The following IQCH variants were observed in gnomAD, a reference collection of about 807,000 sequenced individuals.
IQCH encodes IQ motif containing H, also known as IQ domain-containing protein H.
In IQCH, 98 loss-of-function variants were observed where a neutral mutation model predicts 117.0. The ratio of observed to expected loss-of-function variants is 0.84; its 90% CI spans 0.71 to 0.99. The LOEUF (loss-of-function observed/expected upper bound fraction) is 0.99, where lower values mean the gene tolerates loss of function less well. Among genes scored for constraint, IQCH ranks in the 50% least tolerant of loss-of-function variants. The pLI is 0.00. For missense variants in IQCH, 1,102 were observed against 1,243.8 expected (o/e 0.89, Z 1.72); for synonymous variants, 412 against 448.2 (o/e 0.92, Z 1.02).
chr15:67,351,208 T>G (rs1969645754), intron 6 of IQCH, among the ~76,000 whole-genome samples: 1 of 152,182 alleles, frequency 6.6e-6, no homozygotes, highest in African/African-American at 2.4e-5. Context: ...TCTGCACGCA[T>G]TAGGTATTTG....
intron 16 of IQCH, among the ~76,000 whole-genome samples, chr15:67,434,729 G>A (rs1230532783): frequency 2.0e-5 from 3 of 151,478 alleles, no homozygotes; most frequent in Non-Finnish European, 4.4e-5. Flanking sequence ...AGTGTATAAG[G>A]GTTCCCTTTC....
At chr15:67,421,729 C>A in intron 16 of IQCH, 152 bp downstream of exon 16, 1 of 769,774 alleles carries the variant, frequency 1.3e-6, no homozygotes, top group Non-Finnish European at 2.1e-6. Context: ...ATGGCCCATG[C>A]GAATCCAAGT....
At chr15:67,483,454 T>C (rs1213801228) in intron 18 of IQCH, among the ~76,000 whole-genome samples, 1 of 152,154 alleles carries the variant, frequency 6.6e-6, no homozygotes, top group Admixed American at 6.5e-5. Flanking sequence ...AAGTTGGAGG[T>C]TGCAGTGAGC....
At position 67,402,966 on chromosome 15, in the gene IQCH, G is replaced by C. The variant is rs1342019415; in HGVS notation, c.2097+2661G>C. On this transcript the variant is annotated intron_variant, in intron 14 of 20. Transcript: ENST00000335894. ...AAGTATCTAATATAAAGATCATCTG[G>C]GCCGGGCATGGTGGCTCATGCCTGT... Among the ~76,000 whole-genome samples the C allele has an allele frequency of 3.9e-5, 6 of 152,258 alleles. No homozygotes were observed. In the South Asian group the frequency reaches 6.2e-4, roughly 16 times the overall value.
At position 67,473,113 on chromosome 15, in the gene IQCH, C is replaced by A. The variant is rs574576825; in HGVS notation, c.2677-2583C>A. Among the ~76,000 whole-genome samples the A allele has an allele frequency of 6.6e-6, 1 of 152,268 alleles. No individual in the cohort carries two copies. Among genetic ancestry groups the A allele is most frequent in the Admixed American group, 6.5e-5 (1 of 15,304 alleles). On this transcript the variant is annotated intron_variant, in intron 17 of 20. Coordinates refer to ENST00000335894, the MANE Select transcript of IQCH (RefSeq NM_001031715.3). The surrounding 1 kb of genome is among the most constrained non-coding windows in gnomAD (Gnocchi z 4.9). ...GTTTATATACTATGGCAGCATCAGA[C>A]AAGTTTAGAAGACAAAAATAACCTT...
intron 18 of IQCH, among the ~76,000 whole-genome samples, chr15:67,483,785 C>T (rs2083400890): frequency 6.6e-6 from 1 of 152,088 alleles, no homozygotes; most frequent in South Asian, 2.1e-4. Flanking sequence ...GGGAAGTGAG[C>T]CCCAAAAATT....
intron 14 of IQCH, among the ~76,000 whole-genome samples, chr15:67,415,410 T>C (rs778850933): frequency 2.0e-5 from 3 of 152,194 alleles, no homozygotes; most frequent in Non-Finnish European, 4.4e-5. Context: ...CACTCTCCGC[T>C]TCTCAGGGCA....
In IQCH at chr15:67,413,055, TTGTC is replaced by T. The variant is rs892805220; in HGVS notation, c.2098-3872_2098-3869del. 2.3e-4 allele frequency among the ~76,000 whole-genome samples: 35 copies of T among 150,174 alleles called. No individual in the cohort carries two copies. Among genetic ancestry groups the T allele is most frequent in the Middle Eastern group, 6.8e-3 (2 of 292 alleles). ...TAATGATTCACATGAATTGGAGTGT[TTGTC>T]TGTTATGGAAGGTGTGTGTGTGTGT... On this transcript the variant is annotated intron_variant, in intron 14 of 20. Transcript: ENST00000335894. This position sits in a 1 kb window ranked among gnomAD's most constrained non-coding sequence, Gnocchi z 5.0.
At position 67,459,724 on chromosome 15, in the gene IQCH, A is replaced by G. The variant is rs977312352; in HGVS notation, c.2506-5403A>G. On this transcript the variant is annotated intron_variant, in intron 16 of 20. Transcript: ENST00000335894. This position sits in a 1 kb window ranked among gnomAD's most constrained non-coding sequence, Gnocchi z 4.2. ...AGGCCTCCAGATGCAGCTGTGGTTC[A>G]CACGGCATCCAGCACAGTAGCAGTC... 1.3e-5 allele frequency: 2 copies of G among 152,318 alleles called. No homozygotes were observed. The highest frequency in any genetic ancestry group is 2.9e-5 in the Non-Finnish European group (2 of 68,148). The allele number at this position is 152,318 out of a possible 1,614,324, so 9.4% of individuals were successfully genotyped here. A position where few individuals can be genotyped will look rare whatever the true frequency, so the allele number is the denominator to read the frequency against.
chr15:67,287,113 G>A (rs1310202721), intron 4 of IQCH, among the ~76,000 whole-genome samples: 1 of 152,002 alleles, frequency 6.6e-6, no homozygotes, highest in African/African-American at 2.4e-5. Context: ...TCCATTTCTG[G>A]GATAAATCCC....
chr15:67,306,987 A>G (rs1967329825), intron 4 of IQCH: 2 of 1,376,044 alleles, frequency 1.5e-6, no homozygotes, highest in Non-Finnish European at 1.9e-6. Flanking sequence ...TGTTTCTTAA[A>G]AGGCTTGAAA....
chr15:67,357,097 T>TAAAA (rs1567123019), intron 6 of IQCH, among the ~76,000 whole-genome samples: 2 of 152,352 alleles, frequency 1.3e-5, no homozygotes, highest in Non-Finnish European at 2.9e-5. Context: ...TTTGCCTTTT[T>TAAAA]ATCTAGGCAG....
In IQCH at chr15:67,276,115, A is replaced by G. The variant is rs1163721118; in HGVS notation, c.270-3280A>G. Among the ~76,000 whole-genome samples the G allele has an allele frequency of 3.3e-5, 5 of 152,318 alleles. No individual in the cohort carries two copies. In the East Asian group the frequency reaches 5.8e-4, roughly 18 times the overall value. On this transcript the variant is annotated intron_variant, in intron 3 of 20. Transcript: ENST00000335894. ...CTGATATTGAAGAAATTTTACTGAC[A>G]TGGAAAATTTCTCAAGCATATGCTG... is the stretch of plus-strand genomic sequence containing the variant.
At chr15:67,378,060 G>A (rs558263703) in intron 10 of IQCH, among the ~76,000 whole-genome samples, 1 of 152,174 alleles carries the variant, frequency 6.6e-6, no homozygotes, top group Admixed American at 6.5e-5. Context: ...GTGTGCAACC[G>A]ATCATATGCT....
chr15:67,367,018 G>A (rs896542313), intron 8 of IQCH, among the ~76,000 whole-genome samples: 3 of 152,024 alleles, frequency 2.0e-5, no homozygotes, highest in African/African-American at 7.3e-5. Flanking sequence ...CCCCTGCAGG[G>A]GTGACACATT....
intron 16 of IQCH, among the ~76,000 whole-genome samples, chr15:67,462,329 T>C (rs2082818907): frequency 4.0e-5 from 6 of 150,992 alleles, no homozygotes; most frequent in Admixed American, 3.3e-4. Flanking sequence ...CTCCGGAGGC[T>C]GAGGCAGAGA....
In IQCH at chr15:67,432,321, A is replaced by G. The variant is rs2140944306; in HGVS notation, c.2505+10744A>G. On this transcript the variant is annotated intron_variant, in intron 16 of 20. Transcript: ENST00000335894. The surrounding 1 kb of genome is among the most constrained non-coding windows in gnomAD (Gnocchi z 5.0). The stretch of plus-strand genomic sequence containing the variant: ...TGATATATACCGCAGTATATCCCAT[A>G]AAGTCTGAAAACGATTTTTAAGAGT... 6.6e-6 allele frequency among the ~76,000 whole-genome samples: 1 copy of G among 152,326 alleles called. No homozygotes were observed. Among genetic ancestry groups the G allele is most frequent in the Non-Finnish European group, 1.5e-5 (1 of 68,034 alleles).
chr15:67,292,731 T>C (rs1396885400), intron 4 of IQCH, among the ~76,000 whole-genome samples: 6 of 152,230 alleles, frequency 3.9e-5, no homozygotes, highest in Admixed American at 3.9e-4. Flanking sequence ...GCTTTTAACA[T>C]GAATCTTCAA....
At chr15:67,360,540 C>G (rs1200232042) in intron 8 of IQCH, among the ~76,000 whole-genome samples, 2 of 152,236 alleles carry the variant, frequency 1.3e-5, no homozygotes, top group African/African-American at 4.8e-5. Context: ...CACTTTCCTC[C>G]TCTGACAAAT....
Sources: allele counts gnomAD v4.1 joint callset (sites outside exome capture counted in the v4.1 genomes callset), GRCh38; gene constraint gnomAD v4.1.1; non-coding constraint Gnocchi (gnomAD v3.1); transcripts MANE v1.5; gene names NCBI Gene and HGNC (gene_info 2026-07-23, HGNC 2026-07-21).